MCF2L: variants seen among roughly 807,000 people sequenced by gnomAD.
MCF2L encodes the protein MCF.2 cell line derived transforming sequence like, also known as guanine nucleotide exchange factor DBS.
MCF2L carries 97 observed loss-of-function variants against 153.4 expected under a neutral mutation model. That is an observed-to-expected ratio of 0.63 (90% CI 0.54 to 0.75). MCF2L has a LOEUF of 0.75. Among genes scored for constraint, MCF2L ranks in the 30% least tolerant of loss-of-function variants. The pLI is 0.00. For missense variants in MCF2L, 1,347 were observed against 1,495.2 expected (o/e 0.90, Z 1.64); for synonymous variants, 659 against 632.2 (o/e 1.04, Z -0.64).
intron 2 of MCF2L, among the ~76,000 whole-genome samples, chr13:112,922,990 TA>T (rs2081367783): frequency 6.6e-6 from 1 of 152,258 alleles, no homozygotes; most frequent in African/African-American, 2.4e-5. Flanking sequence ...CTCTTTATGT[TA>T]AAAGAAATCC....
intron 2 of MCF2L, among the ~76,000 whole-genome samples, chr13:112,916,788 C>T (rs543107234): frequency 4.6e-5 from 7 of 152,244 alleles, no homozygotes; most frequent in East Asian, 1.9e-4. Context: ...CTTCTCCCCT[C>T]GCCCCCAAGG....
At chr13:112,977,394 G>C (rs943545055) in intron 1 of MCF2L, among the ~76,000 whole-genome samples, 11 of 152,090 alleles carry the variant, frequency 7.2e-5, no homozygotes, top group African/African-American at 2.7e-4. Context: ...AGCTTAGGGA[G>C]GAAGTGGCCC....
rs1001642622 is a variant in MCF2L, at chr13:112,941,748, T to A, written c.169+39377T>A. On this transcript the variant is annotated intron_variant, in intron 2 of 29. Coordinates refer to the MCF2L transcript ENST00000375608. This position sits in a 1 kb window ranked among gnomAD's most constrained non-coding sequence, Gnocchi z 4.9. ...TACTAGATATCGATCTTAGATGTGA[T>A]TATATATGAATATCAATCATTAGTT... Among the ~76,000 whole-genome samples the A allele has an allele frequency of 4.6e-5, 7 of 152,208 alleles. No homozygotes were observed. Among genetic ancestry groups the A allele is most frequent in the Non-Finnish European group, 1.5e-5 (1 of 68,046 alleles).
intron 2 of MCF2L, among the ~76,000 whole-genome samples, chr13:112,927,046 A>G (rs542658507): frequency 1.3e-5 from 2 of 152,356 alleles, no homozygotes; most frequent in African/African-American, 2.4e-5. Context: ...AAGATGCTAA[A>G]TCACACTTAC....
chr13:113,072,582 A>G (rs1228537236), intron 9 of MCF2L, among the ~76,000 whole-genome samples: 1 of 152,250 alleles, frequency 6.6e-6, no homozygotes, highest in Non-Finnish European at 1.5e-5. Context: ...GCAACTATTG[A>G]AACTATCTGT....
intron 2 of MCF2L, among the ~76,000 whole-genome samples, chr13:112,919,496 C>A (rs1056870404): frequency 6.6e-6 from 1 of 152,086 alleles, no homozygotes; most frequent in South Asian, 2.1e-4. Context: ...TGAGCCACCG[C>A]GCCCGGCCAG....
chr13:113,002,128 G>A (rs1243948392), intron 1 of MCF2L: 1 of 1,033,944 alleles, frequency 9.7e-7, no homozygotes, highest in Non-Finnish European at 1.3e-6. Flanking sequence ...GGGGATGCCG[G>A]GGATGGATGT....
chr13:113,064,732 G>A lies in MCF2L; in HGVS notation c.607-204G>A. ...CAGGCACAGGCGACTCTAGGTGACG[G>A]GCACACGTGTAGAGTGTGCCTGGTA... On this transcript the variant is annotated intron_variant, in intron 6 of 29. Transcript: ENST00000535094. The surrounding 1 kb of genome is among the most constrained non-coding windows in gnomAD (Gnocchi z 6.0). The A allele has an allele frequency of 4.9e-6, 3 of 616,022 alleles. No individual in the cohort carries two copies. Among genetic ancestry groups the A allele is most frequent in the Non-Finnish European group, 8.5e-6 (3 of 354,142 alleles). The allele number at this position is 616,022 out of a possible 1,614,324, so 38.2% of individuals were successfully genotyped here. A position where few individuals can be genotyped will look rare whatever the true frequency, so the allele number is the denominator to read the frequency against.
chr13:113,064,612 G>A lies in MCF2L; in HGVS notation c.606+192G>A. 1.7e-6 allele frequency: 1 copy of A among 585,874 alleles called. No individual in the cohort carries two copies. The highest frequency in any genetic ancestry group is 2.2e-5 in the South Asian group (1 of 46,194). The allele number at this position is 585,874 out of a possible 1,614,324, so 36.3% of individuals were successfully genotyped here. A position where few individuals can be genotyped will look rare whatever the true frequency, so the allele number is the denominator to read the frequency against. ...GAAGTAACGTGAGTCATAAGTTTGG[G>A]AGTGGCTTTCTCTGGGCTTGGAGAC... is the stretch of plus-strand genomic sequence containing the variant. On this transcript the variant is annotated intron_variant, in intron 6 of 29. Transcript: ENST00000535094. This position sits in a 1 kb window ranked among gnomAD's most constrained non-coding sequence, Gnocchi z 6.0.
At chr13:113,020,466 C>T (rs75581632) in intron 2 of MCF2L, among the ~76,000 whole-genome samples, 251 of 152,340 alleles carry the variant, frequency 1.6e-3, no homozygotes, top group African/African-American at 5.6e-3. Flanking sequence ...ACAAAGTCCC[C>T]TAGACTGAGT....
At chr13:113,051,800 T>C (rs2087349145) in intron 4 of MCF2L, among the ~76,000 whole-genome samples, 1 of 152,194 alleles carries the variant, frequency 6.6e-6, no homozygotes, top group Admixed American at 6.5e-5. Context: ...GGACCTCACC[T>C]GGCGAGGGGA....
chr13:113,001,454 G>A (rs1487115675), intron 1 of MCF2L: 1 of 157,820 alleles, frequency 6.3e-6, no homozygotes, highest in African/African-American at 2.4e-5. Context: ...CTAGCACAGG[G>A]GATGCGGACC....
At chr13:113,086,679 C>T (rs1163962849) in intron 21 of MCF2L, among the ~76,000 whole-genome samples, 1 of 152,182 alleles carries the variant, frequency 6.6e-6, no homozygotes, top group East Asian at 1.9e-4. Context: ...TAGAGCCCCA[C>T]ATCAGGTCAC....
Position 113,054,390 on chromosome 13 carries a change from G to A in MCF2L, c.370-6203G>A, listed in dbSNP as rs1286145077. On this transcript the variant is annotated intron_variant, in intron 4 of 29. Transcript: ENST00000535094. The surrounding 1 kb of genome is among the most constrained non-coding windows in gnomAD (Gnocchi z 5.2). ...TTAGGAGTGATGGCCTCACGCACAC[G>A]GCAGCGGCCATTCTGAGCACTCGTG... is the stretch of plus-strand genomic sequence containing the variant. 3 of 167,468 alleles carry A rather than the reference G, an allele frequency of 1.8e-5. No individual in the cohort carries two copies. Among genetic ancestry groups the A allele is most frequent in the Non-Finnish European group, 4.4e-5 (3 of 68,212 alleles). The allele number at this position is 167,468 out of a possible 1,614,324, so 10.4% of individuals were successfully genotyped here. A position where few individuals can be genotyped will look rare whatever the true frequency, so the allele number is the denominator to read the frequency against.
intron 2 of MCF2L, among the ~76,000 whole-genome samples, chr13:112,945,237 A>G (rs7993627): frequency 0.61 from 92,740 of 151,990 alleles, 28,509 homozygotes; most frequent in South Asian, 0.73. Flanking sequence ...GACATTATGC[A>G]CTTCTCAAGA....
intron 2 of MCF2L, among the ~76,000 whole-genome samples, chr13:112,938,975 G>C (rs1457655746): frequency 6.6e-6 from 1 of 152,216 alleles, no homozygotes; most frequent in Non-Finnish European, 1.5e-5. Context: ...TGAGTTCTCA[G>C]GGCTGTGTGA....
chr13:113,051,897 C>T (rs1446998914), intron 4 of MCF2L, among the ~76,000 whole-genome samples: 1 of 151,686 alleles, frequency 6.6e-6, no homozygotes. Flanking sequence ...ATCCGAGAAT[C>T]CGTGAATGGA....
intron 2 of MCF2L, among the ~76,000 whole-genome samples, chr13:112,934,361 T>G (rs556606549): frequency 6.6e-6 from 1 of 152,314 alleles, no homozygotes; most frequent in African/African-American, 2.4e-5. Flanking sequence ...CTGCACATCT[T>G]TATCCAGTGC....
intron 2 of MCF2L, among the ~76,000 whole-genome samples, chr13:112,926,884 A>G (rs1028874966): frequency 6.6e-6 from 1 of 152,174 alleles, no homozygotes; most frequent in African/African-American, 2.4e-5. Flanking sequence ...GAAATTGCTA[A>G]GAGTAGATTT....
Sources: allele counts gnomAD v4.1 joint callset (sites outside exome capture counted in the v4.1 genomes callset), GRCh38; gene constraint gnomAD v4.1.1; non-coding constraint Gnocchi (gnomAD v3.1); transcripts MANE v1.5; gene names NCBI Gene and HGNC (gene_info 2026-07-23, HGNC 2026-07-21).